IQCM: variants seen among roughly 807,000 people sequenced by gnomAD.
The protein encoded by IQCM is IQ domain-containing protein M.
In IQCM, 45 loss-of-function variants were observed where a neutral mutation model predicts 57.6. The observed-to-expected ratio is 0.78, with a 90% CI of 0.62 to 1.00. The LOEUF (loss-of-function observed/expected upper bound fraction) is 1.00. Ranked by LOEUF, IQCM falls within the 50% of genes least tolerant of loss-of-function variation. IQCM has a pLI of 0.00. For missense variants in IQCM, 468 were observed against 511.6 expected, an observed-to-expected ratio of 0.91 and a Z score of 0.82; for synonymous variants, 148 against 158.9, an observed-to-expected ratio of 0.93 and a Z score of 0.51.
At position 149,433,534 on chromosome 4, in the gene IQCM, G is replaced by A. The variant is rs1735064417; in HGVS notation, c.1252C>T (p.Leu418=). ...HQDGKEKYSE[L]IKKSKAIEML... ...TCAATTGCTTTGGACTTTTTGATTA[G>A]TTCAGAATATTTTTCTTTGCCATCT... Residue 418 remains leucine, a synonymous_variant, in exon 13 of 14, where the codon CTA becomes TTA. Transcript: ENST00000636793. 2 of 1,176,520 alleles carry A rather than the reference G, an allele frequency of 1.7e-6. No individual in the cohort carries two copies. The highest frequency in any genetic ancestry group is 2.1e-6 in the Non-Finnish European group (2 of 938,024). The allele number at this position is 1,176,520 out of a possible 1,614,324, so 72.9% of individuals were successfully genotyped here. A position where few individuals can be genotyped will look rare whatever the true frequency, so the allele number is the denominator to read the frequency against.
intron 3 of IQCM, among the ~76,000 whole-genome samples, chr4:149,742,292 G>A (rs2149910200): frequency 6.6e-6 from 1 of 152,078 alleles, no homozygotes; most frequent in South Asian, 2.1e-4. Context: ...TGAAAAAATA[G>A]ATTTATATGC....
In IQCM at chr4:149,392,138, T is replaced by TC. The variant is rs397761462; in HGVS notation, c.1391-40073dup. Among the ~76,000 whole-genome samples the TC allele has an allele frequency of 4.0e-5, 6 of 148,320 alleles. No homozygotes were observed. The South Asian group carries it at 1.1e-3, about 27-fold the overall frequency. On this transcript the variant is annotated intron_variant, in intron 13 of 13. Coordinates refer to ENST00000636793, the MANE Select transcript of IQCM (RefSeq NM_001363507.2). ...TCAATTTTGTCAGTTTTTTTTTTTT[T>TC]CACATAGTTTGGGAGTCCATTAGTA... is the stretch of plus-strand genomic sequence containing the variant.
chr4:149,474,446 C>T (rs1236802757), intron 12 of IQCM, among the ~76,000 whole-genome samples: 3 of 151,454 alleles, frequency 2.0e-5, no homozygotes, highest in Admixed American at 6.6e-5. Context: ...CAGTGGCTCA[C>T]ACCTGTAATC....
chr4:149,738,720 A>G (rs1185847884), intron 3 of IQCM, among the ~76,000 whole-genome samples: 2 of 152,132 alleles, frequency 1.3e-5, no homozygotes, highest in Non-Finnish European at 2.9e-5. Context: ...AATGGCTCCA[A>G]TGAAGTCATG....
chr4:149,444,020 T>A (rs904306688), intron 12 of IQCM, among the ~76,000 whole-genome samples: 8 of 151,878 alleles, frequency 5.3e-5, no homozygotes, highest in African/African-American at 1.7e-4. Flanking sequence ...ATTAAAAGGA[T>A]CAAAAATAAT....
chr4:149,438,987 T>A (rs28479793), intron 12 of IQCM, among the ~76,000 whole-genome samples: 73,626 of 151,754 alleles, frequency 0.49, 18,145 homozygotes, highest in African/African-American at 0.56. Flanking sequence ...TAAAATGAGG[T>A]TATGAATTAT....
At chr4:149,658,483 G>C (rs573574533) in intron 7 of IQCM, among the ~76,000 whole-genome samples, 1 of 151,736 alleles carries the variant, frequency 6.6e-6, no homozygotes, top group Non-Finnish European at 1.5e-5. Flanking sequence ...CTTGGCTTTT[G>C]GGGTCTCTCG....
chr4:149,572,002 T>A (rs907896709), intron 9 of IQCM, among the ~76,000 whole-genome samples: 3 of 152,034 alleles, frequency 2.0e-5, no homozygotes, highest in Admixed American at 6.6e-5. Context: ...ATCTCCAAAA[T>A]AACTAGAATC....
intron 13 of IQCM, among the ~76,000 whole-genome samples, chr4:149,359,042 C>T (rs1479619703): frequency 2.0e-5 from 3 of 151,752 alleles, no homozygotes; most frequent in African/African-American, 4.8e-5. Flanking sequence ...AGGAAATTTC[C>T]CTGTTTCCAT....
At chr4:149,672,810 C>T (rs1468823936) in intron 7 of IQCM, among the ~76,000 whole-genome samples, 2 of 151,974 alleles carry the variant, frequency 1.3e-5, no homozygotes, top group Non-Finnish European at 2.9e-5. Flanking sequence ...AGAGCAATCC[C>T]AAGACACATA....
chr4:149,689,663 C>A (rs1220663020), intron 5 of IQCM, among the ~76,000 whole-genome samples: 1 of 151,886 alleles, frequency 6.6e-6, no homozygotes, highest in Non-Finnish European at 1.5e-5. Context: ...GGGAGAAAAT[C>A]TTCACAATCT....
intron 12 of IQCM, among the ~76,000 whole-genome samples, chr4:149,490,310 T>C (rs1335000039): frequency 6.6e-6 from 1 of 152,024 alleles, no homozygotes; most frequent in Admixed American, 6.6e-5. Flanking sequence ...CTATTAAACA[T>C]TGAAAACAAT....
At chr4:149,803,091 A>G (rs1436588317) in intron 2 of IQCM, among the ~76,000 whole-genome samples, 1 of 151,962 alleles carries the variant, frequency 6.6e-6, no homozygotes, top group Non-Finnish European at 1.5e-5. Flanking sequence ...CTAGTAAACA[A>G]TGGAACTGAG....
chr4:149,656,475 T>C (rs1313026082), intron 7 of IQCM, among the ~76,000 whole-genome samples: 5 of 152,096 alleles, frequency 3.3e-5, no homozygotes, highest in African/African-American at 1.2e-4. Flanking sequence ...TGAATGTAAA[T>C]AGGCAAGCAT....
At chr4:149,462,860 G>T (rs1738452438) in intron 12 of IQCM, among the ~76,000 whole-genome samples, 1 of 152,210 alleles carries the variant, frequency 6.6e-6, no homozygotes, top group Non-Finnish European at 1.5e-5. Flanking sequence ...GCTAGTCTCT[G>T]CAGGAGAACA....
chr4:149,419,536 A>G (rs1432719452), intron 13 of IQCM, among the ~76,000 whole-genome samples: 1 of 152,080 alleles, frequency 6.6e-6, no homozygotes. Flanking sequence ...AACTATAAAA[A>G]CCCTGGAAGA....
At chr4:149,664,753 A>G (rs1760551779) in intron 7 of IQCM, among the ~76,000 whole-genome samples, 1 of 152,104 alleles carries the variant, frequency 6.6e-6, no homozygotes. Context: ...CTGTCTGGAA[A>G]GGCAACAGGT....
At chr4:149,572,255 A>G (rs1751228549) in intron 9 of IQCM, among the ~76,000 whole-genome samples, 1 of 151,640 alleles carries the variant, frequency 6.6e-6, no homozygotes, top group Admixed American at 6.6e-5. Flanking sequence ...TCTATTGCTG[A>G]TCCTTTTATT....
intron 12 of IQCM, among the ~76,000 whole-genome samples, chr4:149,507,930 T>C (rs920171926): frequency 1.7e-4 from 26 of 152,080 alleles, no homozygotes; most frequent in African/African-American, 5.8e-4. Flanking sequence ...CTCTGCTGTG[T>C]GCAGTCTAGG....
Sources: gnomAD v4.1 joint callset for allele counts (sites outside exome capture counted in the v4.1 genomes callset) on GRCh38, gnomAD v4.1.1 for gene constraint, MANE v1.5 for transcripts, NCBI Gene and HGNC (gene_info 2026-07-23, HGNC 2026-07-21) for gene names.